Variants in ACIN1 observed in about 807,000 individuals in gnomAD.
The protein encoded by ACIN1 is apoptotic chromatin condensation inducer 1, also known as apoptotic chromatin condensation inducer in the nucleus.
ACIN1 carries 16 observed loss-of-function variants against 146.6 expected under a neutral mutation model. That is an observed-to-expected ratio of 0.11 (90% CI 0.07 to 0.17). The LOEUF (loss-of-function observed/expected upper bound fraction) is 0.17, where lower values mean the gene tolerates loss of function less well. ACIN1 is among the 10% of genes least tolerant of loss of function. The pLI is 1.00. For synonymous variants in ACIN1, 569 were observed against 582.7 expected, an observed-to-expected ratio of 0.98 and a Z score of 0.34; for missense variants, 1,357 against 1,609.3, an observed-to-expected ratio of 0.84 and a Z score of 2.68.
rs901340154 is a variant in ACIN1 at position 23,066,122 on chromosome 14, TGAGA to T, written c.2266-118_2266-115del. ...TTAGCCTCCAAAGACACAGATAGAGTGAGAGAGAGAGACAGAGAGAGACACAGAG... is the reference window on the plus strand; with the variant it reads ...TTAGCCTCCAAAGACACAGATAGAGTGAGAGAGACAGAGAGAGACACAGAG... On this transcript the variant is annotated intron_variant, in intron 9 of 18. Transcript: ENST00000605057. The T allele has an allele frequency of 1.3e-5, 10 of 760,554 alleles. No homozygotes were observed. In the African/African-American group the frequency reaches 1.5e-4, roughly 11 times the overall value. The allele number at this position is 760,554 out of a possible 1,614,324, so 47.1% of individuals were successfully genotyped here. A position where few individuals can be genotyped will look rare whatever the true frequency, so the allele number is the denominator to read the frequency against.
At chr14:23,088,988 G>A (rs181003638) in intron 4 of ACIN1, among the ~76,000 whole-genome samples, 4 of 152,222 alleles carry the variant, frequency 2.6e-5, no homozygotes, top group Admixed American at 1.3e-4. Context: ...AAAGACAAAG[G>A]CTATATTTAT....
chr14:23,071,787 C>G (rs2140091854), intron 8 of ACIN1, among the ~76,000 whole-genome samples: 1 of 151,508 alleles, frequency 6.6e-6, no homozygotes, highest in Non-Finnish European at 1.5e-5. Context: ...TCCCAGGGGG[C>G]AGGGGAGGGG....
At chr14:23,090,400 G>T (rs1468504490) in intron 3 of ACIN1, 122 bp downstream of exon 3, 1 of 924,002 alleles carries the variant, frequency 1.1e-6, no homozygotes, top group Non-Finnish European at 1.6e-6. Context: ...GGCTATGAAA[G>T]CAAGTAAGTA....
At chr14:23,083,275 G>T (rs1311850763) in intron 4 of ACIN1, among the ~76,000 whole-genome samples, 1 of 151,562 alleles carries the variant, frequency 6.6e-6, no homozygotes, top group Non-Finnish European at 1.5e-5. Flanking sequence ...CATGATCATG[G>T]CTCACTGCAG....
At chr14:23,071,578 G>C in intron 8 of ACIN1, 1 of 1,544,672 alleles carries the variant, frequency 6.5e-7, no homozygotes. Flanking sequence ...CCAGCAGCCT[G>C]TGTGTGCGGA....
chr14:23,082,743 CT>C (rs36123912), intron 4 of ACIN1, among the ~76,000 whole-genome samples: 230 of 138,084 alleles, frequency 1.7e-3, no homozygotes, highest in Middle Eastern at 4.0e-3. Flanking sequence ...ACATGTTTTT[CT>C]TTTTTTTTTT....
chr14:23,065,850 G>A (rs1329817404), intron 10 of ACIN1, 116 bp downstream of exon 10: 2 of 899,712 alleles, frequency 2.2e-6, no homozygotes, highest in Admixed American at 3.9e-5. Flanking sequence ...AGGCACAAGG[G>A]GTGGGGCAGG....
intron 4 of ACIN1, among the ~76,000 whole-genome samples, chr14:23,083,723 C>T (rs1221001696): frequency 1.3e-5 from 2 of 151,752 alleles, no homozygotes; most frequent in Non-Finnish European, 2.9e-5. Flanking sequence ...AGCGAGACTC[C>T]GTCTCAAAAA....
chr14:23,093,671 TC>T, intron 1 of ACIN1, 127 bp from the exon 2 acceptor site: 1 of 757,224 alleles, frequency 1.3e-6, no homozygotes. Context: ...GTATTCCTTT[TC>T]CAGGGACCTG....
intron 8 of ACIN1, among the ~76,000 whole-genome samples, chr14:23,072,062 G>A (rs1456633272): frequency 6.6e-6 from 1 of 152,172 alleles, no homozygotes; most frequent in African/African-American, 2.4e-5. Flanking sequence ...GTCAGATGCT[G>A]CAGGTAGGGA....
chr14:23,062,742 C>G, intron 14 of ACIN1, 187 bp downstream of exon 14: 1 of 853,252 alleles, frequency 1.2e-6, no homozygotes, highest in Non-Finnish European at 1.8e-6. Flanking sequence ...CAAAACAACC[C>G]TGCAGGGCAA....
chr14:23,067,468 G>A lies in ACIN1; in HGVS notation c.2266-1460C>T, dbSNP rs2047493633. The A allele has an allele frequency of 2.0e-6, 2 of 982,650 alleles. No individual in the cohort carries two copies. The highest frequency in any genetic ancestry group is 2.4e-6 in the Non-Finnish European group (2 of 828,728). 60.9% of individuals were successfully genotyped at this position (982,650 alleles called of 1,614,324 possible). A position where few individuals can be genotyped will look rare whatever the true frequency, so the allele number is the denominator to read the frequency against. On this transcript the variant is annotated intron_variant, in intron 9 of 18. Transcript: ENST00000605057. This position sits in a 1 kb window ranked among gnomAD's most constrained non-coding sequence, Gnocchi z 4.6. ...GGGCGCACGGCGTGGTAGTCAGCAC[G>A]GCACTGCCAGAGTCCTCCCAGGGGC...
Position 23,080,076 on chromosome 14 carries a change from G to C in ACIN1, c.1259C>G (p.Ser420Cys), listed in dbSNP as rs3751501. 3.7e-6 allele frequency: 6 copies of C among 1,614,024 alleles called. No individual in the cohort carries two copies. The highest frequency in any genetic ancestry group is 5.1e-6 in the Non-Finnish European group (6 of 1,180,036). ...GGTGTCTGAAGGACTTGACAAAGGA[G>C]ACAGGCCTCCTACCAACTGGACAGT... ...QHTVQLVGGL[S>C]PLSSPSDTKA... Residue 420 changes from serine (S) to cysteine (C), a missense_variant, in exon 6 of 19, where the codon TCT becomes TGT. Transcript: ENST00000605057.
At chr14:23,075,596 T>C (rs2047778966) in intron 8 of ACIN1, among the ~76,000 whole-genome samples, 1 of 91,574 alleles carries the variant, frequency 1.1e-5, no homozygotes, top group Non-Finnish European at 2.1e-5. Context: ...GACAGGTCCT[T>C]GAAGTCTAAT....
At chr14:23,090,232 A>G (rs2048195223) in intron 3 of ACIN1, 131 bp from the exon 4 acceptor site, 1 of 1,302,120 alleles carries the variant, frequency 7.7e-7, no homozygotes, top group African/African-American at 1.5e-5. Context: ...CACCGTATAA[A>G]AAGAAAAAAC....
intron 4 of ACIN1, among the ~76,000 whole-genome samples, chr14:23,085,751 T>C (rs1249496602): frequency 6.6e-6 from 1 of 152,202 alleles, no homozygotes; most frequent in Non-Finnish European, 1.5e-5. Flanking sequence ...TATCTTCTAT[T>C]ATAAGAACAT....
chr14:23,091,194 C>T (rs1287698403), intron 2 of ACIN1, among the ~76,000 whole-genome samples: 2 of 152,062 alleles, frequency 1.3e-5, no homozygotes, highest in Admixed American at 6.6e-5. Context: ...TGTGAGCCAC[C>T]GTGCCCAGCC....
intron 4 of ACIN1, among the ~76,000 whole-genome samples, chr14:23,087,822 G>A (rs2048126588): frequency 6.6e-6 from 1 of 152,022 alleles, no homozygotes; most frequent in South Asian, 2.1e-4. Context: ...CTCTACTCTG[G>A]CTAGATTAGT....
chr14:23,095,217 C>T (rs769064654), upstream of ACIN1: 16 of 1,613,860 alleles, frequency 9.9e-6, no homozygotes, highest in East Asian at 4.5e-5. Context: ...CTGCCATACT[C>T]TACCCCTCGA....
Sources: gnomAD v4.1 joint callset for allele counts (sites outside exome capture counted in the v4.1 genomes callset) on GRCh38, gnomAD v4.1.1 for gene constraint, Gnocchi (gnomAD v3.1) non-coding constraint, MANE v1.5 for transcripts, NCBI Gene and HGNC (gene_info 2026-07-23, HGNC 2026-07-21) for gene names.